The following BTNL8 variants were observed in gnomAD, a reference collection of about 807,000 sequenced individuals.
BTNL8 encodes the protein butyrophilin like 8.
In BTNL8, 22 loss-of-function variants were observed where a neutral mutation model predicts 36.1. The ratio of observed to expected loss-of-function variants is 0.61; its 90% CI spans 0.44 to 0.87. The LOEUF (loss-of-function observed/expected upper bound fraction) is 0.87, where lower values mean the gene tolerates loss of function less well. Ranked by LOEUF, BTNL8 falls within the 40% of genes least tolerant of loss-of-function variation. BTNL8 has a pLI of 0.00. For synonymous variants in BTNL8, 203 were observed against 235.6 expected (o/e 0.86, Z 1.27); for missense variants, 526 against 616.9 (o/e 0.85, Z 1.56).
intron 3 of BTNL8, among the ~76,000 whole-genome samples, chr5:180,923,041 G>T (rs907749000): frequency 3.9e-5 from 6 of 152,216 alleles, no homozygotes; most frequent in African/African-American, 1.4e-4. Context: ...TTGCTTAGTA[G>T]ATTTTCCTAC....
chr5:180,938,476 A>AAG (rs1486556098), intron 3 of BTNL8, among the ~76,000 whole-genome samples: 3 of 152,162 alleles, frequency 2.0e-5, no homozygotes, highest in Non-Finnish European at 4.4e-5. Flanking sequence ...TGCTACGTAC[A>AAG]AGAGAATTCC....
At chr5:180,948,232 G>A in intron 4 of BTNL8, 123 bp from the exon 5 acceptor site, 1 of 1,327,728 alleles carries the variant, frequency 7.5e-7, no homozygotes, top group East Asian at 2.5e-5. Flanking sequence ...GCACATATAA[G>A]TGTCCTAGGA....
chr5:180,923,168 G>C (rs1396438584), intron 3 of BTNL8, among the ~76,000 whole-genome samples: 2 of 151,852 alleles, frequency 1.3e-5, no homozygotes, highest in Non-Finnish European at 2.9e-5. Context: ...TTTAATTGGA[G>C]GATTTAGCCA....
intron 1 of BTNL8, among the ~76,000 whole-genome samples, chr5:180,899,562 C>G (rs543566005): frequency 6.6e-6 from 1 of 152,144 alleles, no homozygotes; most frequent in Non-Finnish European, 1.5e-5. Context: ...GAAGACGCAC[C>G]GTGATCGTTG....
chr5:180,938,868 C>A (rs1758791911), intron 3 of BTNL8, among the ~76,000 whole-genome samples: 1 of 151,974 alleles, frequency 6.6e-6, no homozygotes, highest in Non-Finnish European at 1.5e-5. Flanking sequence ...CAAAGATATT[C>A]TTCGGAAATA....
chr5:180,930,847 C>T (rs192383999), intron 3 of BTNL8, among the ~76,000 whole-genome samples: 7 of 152,086 alleles, frequency 4.6e-5, no homozygotes, highest in Non-Finnish European at 8.8e-5. Context: ...CCATGCTCAT[C>T]GATAGAAAGA....
intron 3 of BTNL8, among the ~76,000 whole-genome samples, chr5:180,926,695 A>G (rs1029353174): frequency 6.6e-6 from 1 of 152,200 alleles, no homozygotes; most frequent in African/African-American, 2.4e-5. Flanking sequence ...CAGTGTAAAC[A>G]AAGCCACCAG....
intron 3 of BTNL8, among the ~76,000 whole-genome samples, chr5:180,913,229 C>T (rs1757486654): frequency 6.6e-6 from 1 of 152,128 alleles, no homozygotes; most frequent in Admixed American, 6.5e-5. Context: ...AAAGCAGTCT[C>T]AGTCTCTCTA....
intron 1 of BTNL8, among the ~76,000 whole-genome samples, chr5:180,904,863 C>A (rs1007498458): frequency 6.6e-6 from 1 of 151,966 alleles, no homozygotes; most frequent in African/African-American, 2.4e-5. Flanking sequence ...GCCTTGCATC[C>A]CAGGGATGAA....
At position 180,934,450 on chromosome 5, in the gene BTNL8, C is replaced by A. The variant is rs74294004; in HGVS notation, c.674-13062C>A. Among the ~76,000 whole-genome samples the A allele has an allele frequency of 1.7e-4, 26 of 152,330 alleles. No homozygotes were observed. In the East Asian group the frequency reaches 4.6e-3, roughly 27 times the overall value. ...TGCAGGCTGTGCTTGGCTTGTGATA[C>A]CAGTCCAGATCCCACACCTGCCAAG... is the stretch of plus-strand genomic sequence containing the variant. On this transcript the variant is annotated intron_variant, in intron 3 of 7. Transcript: ENST00000340184.
chr5:180,924,294 T>C (rs1282891903), intron 3 of BTNL8, among the ~76,000 whole-genome samples: 1 of 152,160 alleles, frequency 6.6e-6, no homozygotes, highest in Non-Finnish European at 1.5e-5. Context: ...TACTCTAGAC[T>C]AGGAGCCAAG....
chr5:180,939,063 G>C (rs1039098875), intron 3 of BTNL8, among the ~76,000 whole-genome samples: 4 of 151,836 alleles, frequency 2.6e-5, no homozygotes, highest in South Asian at 2.1e-4. Flanking sequence ...AAAGAGAAAG[G>C]AATCAAATTT....
At chr5:180,922,302 C>T (rs1379935269) in intron 3 of BTNL8, among the ~76,000 whole-genome samples, 1 of 151,974 alleles carries the variant, frequency 6.6e-6, no homozygotes, top group Non-Finnish European at 1.5e-5. Flanking sequence ...AAATTGAGAT[C>T]TTTCTAACTT....
chr5:180,932,808 A>G (rs1052031480), intron 3 of BTNL8, among the ~76,000 whole-genome samples: 1 of 152,324 alleles, frequency 6.6e-6, no homozygotes, highest in Admixed American at 6.5e-5. Flanking sequence ...AAAACAAATT[A>G]TAAAATGGAA....
chr5:180,940,950 G>A (rs184083999), intron 3 of BTNL8, among the ~76,000 whole-genome samples: 7 of 152,090 alleles, frequency 4.6e-5, no homozygotes, highest in Middle Eastern at 3.4e-3. Context: ...AAAATTAGCT[G>A]GGCTTGGTGG....
chr5:180,937,532 T>TA (rs909120428), intron 3 of BTNL8, among the ~76,000 whole-genome samples: 6 of 149,874 alleles, frequency 4.0e-5, no homozygotes, highest in East Asian at 2.0e-4. Context: ...ACTAGAAAAA[T>TA]AAAAAAAAGA....
At chr5:180,926,196 A>C (rs1758088157) in intron 3 of BTNL8, among the ~76,000 whole-genome samples, 1 of 152,218 alleles carries the variant, frequency 6.6e-6, no homozygotes, top group African/African-American at 2.4e-5. Flanking sequence ...AGGGTGGGGC[A>C]TCACCTCACC....
chr5:180,915,233 A>G (rs1757572821), intron 3 of BTNL8, among the ~76,000 whole-genome samples: 1 of 152,044 alleles, frequency 6.6e-6, no homozygotes, highest in Non-Finnish European at 1.5e-5. Context: ...CCCTCCACAC[A>G]CCACCCCTGT....
chr5:180,927,320 C>T lies in BTNL8; in HGVS notation c.673+15706C>T, dbSNP rs548172821. Among the ~76,000 whole-genome samples, 553 of 152,224 alleles carry T rather than the reference C, an allele frequency of 3.6e-3. 2 individuals are homozygous for T. The highest frequency in any genetic ancestry group is 0.013 in the African/African-American group (536 of 41,544). On this transcript the variant is annotated intron_variant, in intron 3 of 7. Transcript: ENST00000340184. ...AGGATGTCCACACAGAAACCCCATT[C>T]GAAGGTCACCAACATCAAAAACCAA...
Sources: allele counts gnomAD v4.1 joint callset (sites outside exome capture counted in the v4.1 genomes callset), GRCh38; gene constraint gnomAD v4.1.1; transcripts MANE v1.5; gene names NCBI Gene and HGNC (gene_info 2026-07-23, HGNC 2026-07-21).